Variants in JADE2 observed in about 807,000 individuals in gnomAD.
The protein encoded by JADE2 is jade family PHD finger 2.
Under a neutral mutation model 85.7 loss-of-function variants are expected in JADE2, and 13 were observed. The observed-to-expected ratio is 0.15, with a 90% confidence interval of 0.10 to 0.24. JADE2 has a LOEUF of 0.24. JADE2 is among the 10% of genes least tolerant of loss of function. The probability of loss-of-function intolerance (pLI) is 1.00; values close to 1 mark genes in which losing one functional copy is unlikely to be tolerated. For synonymous variants in JADE2, 440 were observed against 456.1 expected (o/e 0.96, Z 0.45); for missense variants, 846 against 1,115.9 (o/e 0.76, Z 3.45).
At chr5:134,524,383 C>T (rs1760685330), upstream of JADE2, 2 of 152,536 alleles carry the variant, frequency 1.3e-5, no homozygotes, top group East Asian at 1.9e-4. Flanking sequence ...GCAGGCTCTT[C>T]TTCCAGAAAC....
chr5:134,572,587 G>A (rs1764103191), intron 9 of JADE2, among the ~76,000 whole-genome samples: 1 of 152,248 alleles, frequency 6.6e-6, no homozygotes. Context: ...GAAAGACCCT[G>A]GTGGGACCCA....
chr5:134,532,544 A>G (rs1489471262), intron 1 of JADE2, among the ~76,000 whole-genome samples: 3 of 152,182 alleles, frequency 2.0e-5, no homozygotes, highest in Admixed American at 6.5e-5. Flanking sequence ...AGTCTCCTTT[A>G]TAGGTAGGAT....
Position 134,573,906 on chromosome 5 carries a change from A to G in JADE2, c.1552+144A>G, listed in dbSNP as rs572190731. The G allele has an allele frequency of 3.1e-5, 23 of 739,540 alleles. No individual in the cohort carries two copies. In the East Asian group the frequency reaches 5.3e-4, roughly 17 times the overall value. The allele number at this position is 739,540 out of a possible 1,614,324, so 45.8% of individuals were successfully genotyped here. ...CTGGCCCCCACTCCTACCCTTCACC[A>G]TCCAATTAGTAGGCCCAGACGGGGG... On this transcript the variant is annotated intron_variant, in intron 10 of 11. Coordinates refer to ENST00000681547, the MANE Select transcript of JADE2 (RefSeq NM_001388185.1).
At chr5:134,536,801 G>C (rs1042291673) in intron 2 of JADE2, 4 of 152,314 alleles carry the variant, frequency 2.6e-5, no homozygotes, top group African/African-American at 9.7e-5. Context: ...GGCCGGGCTT[G>C]GAGCTGTGCA....
Position 134,554,636 on chromosome 5 carries a change from G to A in JADE2, c.311+2427G>A, listed in dbSNP as rs141020275. Reference sequence around the variant, plus strand: ...GTGCATTCCCAGCATAGGCATGGCTGTGCTAAGCTGACGTGAGCTGGGCAC... The same window carrying A: ...GTGCATTCCCAGCATAGGCATGGCTATGCTAAGCTGACGTGAGCTGGGCAC... On this transcript the variant is annotated intron_variant, in intron 4 of 11. Transcript: ENST00000681547. 1.7e-3 allele frequency among the ~76,000 whole-genome samples: 266 copies of A among 152,302 alleles called. 1 individual carries two copies. Among genetic ancestry groups the A allele is most frequent in the African/African-American group, 5.5e-3 (229 of 41,566 alleles).
At chr5:134,527,812 T>C (rs1291347065) in intron 1 of JADE2, among the ~76,000 whole-genome samples, 3 of 152,182 alleles carry the variant, frequency 2.0e-5, no homozygotes, top group Non-Finnish European at 4.4e-5. Flanking sequence ...TGCTGGCCTC[T>C]TGCTGGAGGC....
intron 4 of JADE2, among the ~76,000 whole-genome samples, chr5:134,555,570 G>A (rs1762863049): frequency 6.6e-6 from 1 of 152,242 alleles, no homozygotes; most frequent in Non-Finnish European, 1.5e-5. Context: ...TGGCTCTTCA[G>A]AAGGAGCACA....
chr5:134,572,699 G>A (rs761657648), intron 9 of JADE2, among the ~76,000 whole-genome samples: 10 of 152,230 alleles, frequency 6.6e-5, no homozygotes, highest in Non-Finnish European at 1.3e-4. Flanking sequence ...CTTGGTCTTG[G>A]CTTCAGAAGT....
intron 1 of JADE2, chr5:134,533,629 C>G: frequency 4.1e-6 from 4 of 966,110 alleles, no homozygotes; most frequent in Non-Finnish European, 4.9e-6. Context: ...ACTCCACCCA[C>G]CGATGTCAGG....
At chr5:134,537,173 G>A (rs977551808) in intron 2 of JADE2, among the ~76,000 whole-genome samples, 4 of 152,164 alleles carry the variant, frequency 2.6e-5, no homozygotes, top group Non-Finnish European at 5.9e-5. Flanking sequence ...AGAGAGCCAG[G>A]TACCTGCAAG....
At chr5:134,572,889 C>G (rs554346249) in intron 9 of JADE2, among the ~76,000 whole-genome samples, 1 of 152,354 alleles carries the variant, frequency 6.6e-6, no homozygotes, top group East Asian at 1.9e-4. Context: ...TCCCAGCTGG[C>G]CTTGAGGCAG....
intron 10 of JADE2, chr5:134,574,051 T>A: frequency 2.1e-6 from 1 of 478,342 alleles, no homozygotes; most frequent in East Asian, 4.2e-5. Flanking sequence ...AGGAGCTGAT[T>A]GCATGTGAAC....
At chr5:134,543,799 G>C (rs1264922237) in intron 3 of JADE2, among the ~76,000 whole-genome samples, 2 of 152,334 alleles carry the variant, frequency 1.3e-5, no homozygotes, top group South Asian at 4.1e-4. Flanking sequence ...ATTTTTGAGG[G>C]GGTGGGGAGT....
Position 134,552,090 on chromosome 5 carries a change from G to A in JADE2, c.192G>A (p.Pro64=), listed in dbSNP as rs12163993. 241,679 of 1,613,884 alleles carry A rather than the reference G, an allele frequency of 0.15. 19,943 individuals carry two copies. The highest frequency in any genetic ancestry group is 0.27 in the Admixed American group (15,969 of 59,996). Residue 64 remains proline (P), a synonymous_variant, in exon 4 of 12, where the codon CCG becomes CCA. Transcript: ENST00000681547. ...ACTTGATCACAGCCATGAAGATCCC[G>A]GACTCATACCAGCTCAGCCCGGATG... The part of the protein sequence containing the change: ...RTDLITAMKI[P]DSYQLSPDDY...
At chr5:134,550,690 G>A (rs570974784) in intron 3 of JADE2, among the ~76,000 whole-genome samples, 1 of 152,210 alleles carries the variant, frequency 6.6e-6, no homozygotes, top group African/African-American at 2.4e-5. Flanking sequence ...TTTGTGGGGG[G>A]ATCACGCAGT....
intron 1 of JADE2, among the ~76,000 whole-genome samples, chr5:134,532,414 C>CT (rs1761301946): frequency 6.6e-6 from 1 of 152,110 alleles, no homozygotes; most frequent in Non-Finnish European, 1.5e-5. Flanking sequence ...ATTGAGGGGA[C>CT]TCTACGACAC....
chr5:134,567,909 T>C (rs985148047), intron 9 of JADE2, among the ~76,000 whole-genome samples: 1 of 152,076 alleles, frequency 6.6e-6, no homozygotes, highest in African/African-American at 2.4e-5. Flanking sequence ...GCTACCTACA[T>C]TGCAGCCACC....
chr5:134,533,619 A>C, intron 1 of JADE2: 1 of 975,616 alleles, frequency 1.0e-6, no homozygotes, highest in Non-Finnish European at 1.2e-6. Flanking sequence ...CCTCCCCCCC[A>C]CTCCACCCAC....
intron 1 of JADE2, chr5:134,526,777 G>A: frequency 2.0e-6 from 2 of 985,184 alleles, no homozygotes; most frequent in South Asian, 9.4e-5. Context: ...GGAGGGTGCG[G>A]AGCCTCGGCG....
Sources: gnomAD v4.1 joint callset for allele counts (sites outside exome capture counted in the v4.1 genomes callset) on GRCh38, gnomAD v4.1.1 for gene constraint, MANE v1.5 for transcripts, NCBI Gene and HGNC (gene_info 2026-07-23, HGNC 2026-07-21) for gene names.